Variants in ELOVL7 observed in about 807,000 individuals in gnomAD.
The protein encoded by ELOVL7 is very long chain fatty acid elongase 7.
ELOVL7 carries 27 observed loss-of-function variants against 35.7 expected under a neutral mutation model. The observed-to-expected ratio is 0.76, with a 90% CI of 0.56 to 1.04. The LOEUF (loss-of-function observed/expected upper bound fraction) is 1.04. Ranked by LOEUF, ELOVL7 falls within the 50% of genes least tolerant of loss-of-function variation. The probability of loss-of-function intolerance (pLI) is 0.00; values close to 1 mark genes in which losing one functional copy is unlikely to be tolerated. For missense variants in ELOVL7, 327 were observed against 340.8 expected (o/e 0.96, Z 0.32); for synonymous variants, 113 against 114.6 (o/e 0.99, Z 0.09).
chr5:60,824,803 A>G (rs984661284), intron 1 of ELOVL7, among the ~76,000 whole-genome samples: 1 of 152,208 alleles, frequency 6.6e-6, no homozygotes. Context: ...ACAACAAAAC[A>G]AAAACTCAAG....
At chr5:60,797,234 T>C (rs938814977) in intron 2 of ELOVL7, among the ~76,000 whole-genome samples, 1 of 152,200 alleles carries the variant, frequency 6.6e-6, no homozygotes, top group Non-Finnish European at 1.5e-5. Context: ...CACACACACA[T>C]TACAGAAGCA....
chr5:60,835,850 A>T (rs1746766651), intron 1 of ELOVL7, among the ~76,000 whole-genome samples: 1 of 152,024 alleles, frequency 6.6e-6, no homozygotes, highest in African/African-American at 2.4e-5. Flanking sequence ...GCATATCTAA[A>T]TTATCTATCA....
intron 4 of ELOVL7, among the ~76,000 whole-genome samples, chr5:60,769,018 GTAT>G (rs1199179587): frequency 6.6e-6 from 1 of 152,272 alleles, no homozygotes; most frequent in East Asian, 1.9e-4. Context: ...AGACACTATA[GTAT>G]TATAAAATGC....
chr5:60,767,973 A>G, intron 4 of ELOVL7, 70 bp from the exon 5 acceptor site: 1 of 1,190,810 alleles, frequency 8.4e-7, no homozygotes, highest in South Asian at 1.2e-5. Context: ...GGTAGTTTTG[A>G]TAGTGTCTCT....
rs548161158 is a variant in ELOVL7, at chr5:60,753,508, G to C, written c.*1116C>G. ...TATATTACTATTATGTAGTCTGTCT[G>C]TCTCTCTCTCAAAGTAGAACAGCCC... On this transcript the variant is annotated 3_prime_UTR_variant, in exon 9 of 9. Coordinates refer to ENST00000508821, the MANE Select transcript of ELOVL7 (RefSeq NM_024930.3). 6.6e-6 allele frequency: 1 copy of C among 152,092 alleles called. No homozygotes were observed. The highest frequency in any genetic ancestry group is 2.4e-5 in the African/African-American group (1 of 41,482). 9.4% of individuals were successfully genotyped at this position (152,092 alleles called of 1,614,324 possible). A position where few individuals can be genotyped will look rare whatever the true frequency, so the allele number is the denominator to read the frequency against.
rs1284201206 is a variant in ELOVL7 at position 60,754,260 on chromosome 5, T to C, written c.*364A>G. 2 of 194,134 alleles carry C rather than the reference T, an allele frequency of 1.0e-5. 1 individual carries two copies. The highest frequency in any genetic ancestry group is 4.7e-5 in the African/African-American group (2 of 42,282). The allele number at this position is 194,134 out of a possible 1,614,324, so 12.0% of individuals were successfully genotyped here. A position where few individuals can be genotyped will look rare whatever the true frequency, so the allele number is the denominator to read the frequency against. ...CTATTTTATCACATGGATCTCCGTCTGTGCTCAAAATACCTAATGATATTT... is the reference window on the plus strand; with the variant it reads ...CTATTTTATCACATGGATCTCCGTCCGTGCTCAAAATACCTAATGATATTT... On this transcript the variant is annotated 3_prime_UTR_variant, in exon 9 of 9. Transcript: ENST00000508821.
chr5:60,762,137 T>C (rs1386865573), intron 7 of ELOVL7, among the ~76,000 whole-genome samples: 1 of 151,832 alleles, frequency 6.6e-6, no homozygotes, highest in Non-Finnish European at 1.5e-5. Context: ...GAAGAAGGAT[T>C]AAGGTGTGGA....
intron 1 of ELOVL7, among the ~76,000 whole-genome samples, chr5:60,836,872 A>C (rs1476850288): frequency 6.6e-6 from 1 of 151,930 alleles, no homozygotes; most frequent in Non-Finnish European, 1.5e-5. Context: ...GTTTATTTTT[A>C]TGGTTGCCCT....
intron 2 of ELOVL7, among the ~76,000 whole-genome samples, chr5:60,789,306 T>A (rs192267884): frequency 6.6e-6 from 1 of 152,164 alleles, no homozygotes; most frequent in African/African-American, 2.4e-5. Flanking sequence ...CAATAGGAAA[T>A]GGGCAAAGTT....
intron 1 of ELOVL7, among the ~76,000 whole-genome samples, chr5:60,809,583 A>C (rs1261774413): frequency 6.6e-6 from 1 of 152,222 alleles, no homozygotes; most frequent in Non-Finnish European, 1.5e-5. Flanking sequence ...TAGGAGGAAG[A>C]AAGAAGATAG....
chr5:60,818,837 C>A (rs1745693160), intron 1 of ELOVL7, among the ~76,000 whole-genome samples: 1 of 151,350 alleles, frequency 6.6e-6, no homozygotes, highest in African/African-American at 2.4e-5. Flanking sequence ...GAAACCCCGT[C>A]TCTACTAAAA....
intron 2 of ELOVL7, among the ~76,000 whole-genome samples, chr5:60,790,209 A>T (rs1743847614): frequency 6.6e-6 from 1 of 152,168 alleles, no homozygotes; most frequent in South Asian, 2.1e-4. Context: ...ATAAAAGGAG[A>T]AAAGTCTTAT....
At chr5:60,759,590 T>C (rs1057294063) in intron 7 of ELOVL7, among the ~76,000 whole-genome samples, 2 of 149,522 alleles carry the variant, frequency 1.3e-5, no homozygotes, top group Non-Finnish European at 2.9e-5. Flanking sequence ...TGTTATTTAA[T>C]AGAGGCGTGC....
chr5:60,791,631 CT>C (rs745878857), intron 2 of ELOVL7, among the ~76,000 whole-genome samples: 1 of 152,168 alleles, frequency 6.6e-6, no homozygotes, highest in Non-Finnish European at 1.5e-5. Context: ...AGAAAAAACT[CT>C]ACTACTTTTA....
chr5:60,761,406 T>G (rs1741901309), intron 7 of ELOVL7, among the ~76,000 whole-genome samples: 2 of 151,438 alleles, frequency 1.3e-5, no homozygotes, highest in African/African-American at 4.9e-5. Flanking sequence ...TGTGCTCAAG[T>G]TTTTGCAAAA....
chr5:60,767,539 T>C (rs1464361001), intron 5 of ELOVL7, among the ~76,000 whole-genome samples: 1 of 152,206 alleles, frequency 6.6e-6, no homozygotes. Context: ...AGAAGCAGAA[T>C]TGCTGGATCT....
At chr5:60,842,218 G>A (rs939349509) in intron 1 of ELOVL7, among the ~76,000 whole-genome samples, 1 of 152,100 alleles carries the variant, frequency 6.6e-6, no homozygotes, top group Non-Finnish European at 1.5e-5. Context: ...GACTGATAAA[G>A]GCTAGAAGAC....
intron 1 of ELOVL7, among the ~76,000 whole-genome samples, chr5:60,842,692 G>A (rs1288193681): frequency 1.3e-5 from 2 of 152,106 alleles, no homozygotes; most frequent in Non-Finnish European, 2.9e-5. Context: ...CAGCTCCAGT[G>A]CTGGAGACAG....
chr5:60,776,609 G>C (rs1290355828), intron 3 of ELOVL7, among the ~76,000 whole-genome samples: 2 of 152,126 alleles, frequency 1.3e-5, no homozygotes, highest in African/African-American at 4.8e-5. Flanking sequence ...CTAAGCAAAT[G>C]AACACAGAAA....
Sources: allele counts gnomAD v4.1 joint callset (sites outside exome capture counted in the v4.1 genomes callset), GRCh38; gene constraint gnomAD v4.1.1; transcripts MANE v1.5; gene names NCBI Gene and HGNC (gene_info 2026-07-23, HGNC 2026-07-21).